Variants in THRB observed in about 807,000 individuals in gnomAD.
THRB encodes thyroid hormone receptor beta, also known as nuclear receptor subfamily 1 group A member 2.
THRB carries 12 observed loss-of-function variants against 47.8 expected under a neutral mutation model. The observed-to-expected ratio is 0.25, with a 90% CI of 0.16 to 0.41. THRB has a LOEUF of 0.41. Among genes scored for constraint, THRB ranks in the 10% least tolerant of loss-of-function variants. The pLI is 1.00. For synonymous variants in THRB, 218 were observed against 212.2 expected (o/e 1.03, Z -0.24); for missense variants, 348 against 589.2 (o/e 0.59, Z 4.24).
chr3:24,218,111 CA>C (rs1300656818), intron 4 of THRB, among the ~76,000 whole-genome samples: 1 of 151,600 alleles, frequency 6.6e-6, no homozygotes, highest in Admixed American at 6.6e-5. Context: ...CTAAAAAATA[CA>C]AAAAAACTAG....
At chr3:24,311,309 C>CT (rs757939638) in intron 2 of THRB, among the ~76,000 whole-genome samples, 7 of 152,148 alleles carry the variant, frequency 4.6e-5, no homozygotes, top group Non-Finnish European at 1.0e-4. Flanking sequence ...TGCAATATTT[C>CT]TTTTAAATAC....
chr3:24,143,802 G>T, intron 7 of THRB, 96 bp from the exon 8 acceptor site: 3 of 1,285,430 alleles, frequency 2.3e-6, no homozygotes, highest in Non-Finnish European at 3.4e-6. Context: ...GACCACTGAT[G>T]CACAGATGGC....
chr3:24,280,605 G>C (rs924019274), intron 3 of THRB, among the ~76,000 whole-genome samples: 2 of 152,328 alleles, frequency 1.3e-5, no homozygotes, highest in African/African-American at 4.8e-5. Context: ...TTGACAAGCT[G>C]AGAGAAGAAG....
At chr3:24,278,294 T>C (rs1474509778) in intron 3 of THRB, among the ~76,000 whole-genome samples, 1 of 152,182 alleles carries the variant, frequency 6.6e-6, no homozygotes, top group South Asian at 2.1e-4. Context: ...GCATAAAGTA[T>C]GCTATAAAGA....
In THRB at chr3:24,277,970, T is replaced by A. The variant is rs141302117; in HGVS notation, c.-43+19256A>T. 6.0e-4 allele frequency among the ~76,000 whole-genome samples: 90 copies of A among 149,088 alleles called. No homozygotes were observed. The East Asian group carries it at 0.01, about 17-fold the overall frequency. ...TAATTATGGTATGATATTTGCCCCA[T>A]GCATGGACAGTTTCATTATGCTGGG... On this transcript the variant is annotated intron_variant, in intron 3 of 10. Coordinates refer to ENST00000646209, the MANE Select transcript of THRB (RefSeq NM_001354712.2).
chr3:24,120,169 T>C lies in THRB; in HGVS notation c.*2715A>G, dbSNP rs148028156. Reference sequence around the variant, plus strand: ...TCTGTCAGCTTCAGAAGGAAGGAGTTTAGTTTCAGAGTCATTATCTTTTGA... The same window carrying C: ...TCTGTCAGCTTCAGAAGGAAGGAGTCTAGTTTCAGAGTCATTATCTTTTGA... On this transcript the variant is annotated 3_prime_UTR_variant, in exon 11 of 11. Transcript: ENST00000646209. 1 of 152,322 alleles carries C rather than the reference T, an allele frequency of 6.6e-6. No homozygotes were observed. Among genetic ancestry groups the C allele is most frequent in the African/African-American group, 2.4e-5 (1 of 41,572 alleles). 9.4% of individuals were successfully genotyped at this position (152,322 alleles called of 1,614,324 possible).
chr3:24,126,740 G>A (rs1266267910), intron 10 of THRB, among the ~76,000 whole-genome samples: 1 of 152,262 alleles, frequency 6.6e-6, no homozygotes, highest in Non-Finnish European at 1.5e-5. Context: ...GTGGCTTACA[G>A]ACGGCTGCCC....
intron 4 of THRB, among the ~76,000 whole-genome samples, chr3:24,199,867 C>T (rs553130478): frequency 3.9e-5 from 6 of 152,296 alleles, no homozygotes; most frequent in Non-Finnish European, 1.5e-5. Flanking sequence ...TGACCAGGTT[C>T]ATAGGCAACA....
intron 3 of THRB, among the ~76,000 whole-genome samples, chr3:24,247,348 A>G (rs1350510946): frequency 6.6e-6 from 1 of 152,224 alleles, no homozygotes; most frequent in Non-Finnish European, 1.5e-5. Flanking sequence ...AAGGGTTCTG[A>G]TAAGTTCTAG....
chr3:24,142,261 A>G (rs1404816211), intron 8 of THRB, among the ~76,000 whole-genome samples: 1 of 152,254 alleles, frequency 6.6e-6, no homozygotes, highest in Non-Finnish European at 1.5e-5. Flanking sequence ...ATAGGAAGTT[A>G]ATGAATGAAA....
chr3:24,385,110 C>A (rs553492021), intron 1 of THRB, among the ~76,000 whole-genome samples: 1 of 152,154 alleles, frequency 6.6e-6, no homozygotes, highest in African/African-American at 2.4e-5. Flanking sequence ...ATTGTCATTT[C>A]TAAGGTCTAA....
At chr3:24,431,427 G>A (rs1185974522) in intron 1 of THRB, among the ~76,000 whole-genome samples, 1 of 151,956 alleles carries the variant, frequency 6.6e-6, no homozygotes, top group African/African-American at 2.4e-5. Flanking sequence ...ATCAAAACAT[G>A]CTTTTTCAGA....
intron 3 of THRB, among the ~76,000 whole-genome samples, chr3:24,233,570 A>AAGAAG (rs745863368): frequency 0.015 from 1,036 of 68,326 alleles, 20 homozygotes; most frequent in Middle Eastern, 0.071. Flanking sequence ...GAAGAAAGAA[A>AAGAAG]GAAAGAAAGA....
At chr3:24,323,155 T>C (rs139058229) in intron 2 of THRB, among the ~76,000 whole-genome samples, 3 of 152,294 alleles carry the variant, frequency 2.0e-5, no homozygotes, top group African/African-American at 7.2e-5. Context: ...ACCATCATGT[T>C]TTCTTCAATG....
intron 3 of THRB, among the ~76,000 whole-genome samples, chr3:24,254,505 AGAGT>A (rs1293144271): frequency 8.5e-5 from 13 of 152,212 alleles, no homozygotes; most frequent in Admixed American, 5.2e-4. Context: ...GCAAATATTT[AGAGT>A]AAGAACAGTG....
At chr3:24,476,003 C>G (rs901669454) in intron 1 of THRB, among the ~76,000 whole-genome samples, 8 of 152,228 alleles carry the variant, frequency 5.3e-5, no homozygotes, top group African/African-American at 1.7e-4. Flanking sequence ...CCTGAGGGCA[C>G]AGTTGGGAAG....
rs115255695 is a variant in THRB at position 24,357,952 on chromosome 3, C to G, written c.-260-20581G>C. Among the ~76,000 whole-genome samples, 926 of 152,194 alleles carry G rather than the reference C, an allele frequency of 6.1e-3. 11 individuals are homozygous for G. The highest frequency in any genetic ancestry group is 0.021 in the African/African-American group (891 of 41,532). ...AGTTTCCCTTGCAGATTTATCACTG[C>G]CTGAAATAGTACTTGATTGTTTATT... On this transcript the variant is annotated intron_variant, in intron 1 of 10. Transcript: ENST00000646209.
At chr3:24,127,300 G>A (rs2033029177) in intron 10 of THRB, among the ~76,000 whole-genome samples, 199 bp downstream of exon 10, 1 of 152,098 alleles carries the variant, frequency 6.6e-6, no homozygotes, top group Non-Finnish European at 1.5e-5. Flanking sequence ...TTTCTATCCT[G>A]GGACACTGCA....
At chr3:24,264,791 GT>G (rs2052468876) in intron 3 of THRB, among the ~76,000 whole-genome samples, 1 of 76,408 alleles carries the variant, frequency 1.3e-5, no homozygotes, top group South Asian at 5.4e-4. Flanking sequence ...CAGCAATCTT[GT>G]TGCAAAAAAA....
Sources: allele counts gnomAD v4.1 joint callset (sites outside exome capture counted in the v4.1 genomes callset), GRCh38; gene constraint gnomAD v4.1.1; transcripts MANE v1.5; gene names NCBI Gene and HGNC (gene_info 2026-07-23, HGNC 2026-07-21).